Variants in KMT2D observed in about 807,000 individuals in gnomAD.
The protein encoded by KMT2D is histone-lysine N-methyltransferase 2D.
KMT2D carries 55 observed loss-of-function variants against 512.7 expected under a neutral mutation model. The observed-to-expected ratio is 0.11, with a 90% CI of 0.09 to 0.13. The LOEUF (loss-of-function observed/expected upper bound fraction) is 0.13, where lower values mean the gene tolerates loss of function less well. Ranked by LOEUF, KMT2D falls within the 10% of genes least tolerant of loss-of-function variation. The pLI, the probability that KMT2D is intolerant of heterozygous loss-of-function variation, is 1.00. For missense variants in KMT2D, 6,061 were observed against 7,127.9 expected (o/e 0.85, Z 5.39); for synonymous variants, 2,995 against 2,904.0 (o/e 1.03, Z -1.01).
chr12:49,048,798 G>A (rs1326772142), intron 13 of KMT2D, 29 bp from the exon 14 acceptor site: 11 of 1,468,782 alleles, frequency 7.5e-6, no homozygotes, highest in Non-Finnish European at 1.0e-5. Flanking sequence ...TGGAAAGTGA[G>A]GCAGATAAAT....
chr12:49,019,297 G>T lies in KMT2D; in HGVS notation c.*2483C>A. ...GAGGGTCCTGGAGGTGAGGGGAGAA[G>T]ACTGTAAAGGGGAAAACTGAAAACT... On this transcript the variant is annotated 3_prime_UTR_variant, in exon 55 of 55. Coordinates refer to ENST00000301067, the MANE Select transcript of KMT2D (RefSeq NM_003482.4). The T allele has an allele frequency of 2.5e-6, 1 of 398,806 alleles. No individual in the cohort carries two copies. Among genetic ancestry groups the T allele is most frequent in the Non-Finnish European group, 3.4e-6 (1 of 293,030 alleles). The allele number at this position is 398,806 out of a possible 1,614,324, so 24.7% of individuals were successfully genotyped here.
rs750933281 is a variant in KMT2D at position 49,040,641 on chromosome 12, G to T, written c.7129C>A (p.Pro2377Thr). The change falls in exon 32 of 55, where the codon CCA becomes ACA. Residue 2377 changes from proline to threonine, a missense_variant. By Grantham distance (38) the Pro-to-Thr change is conservative (BLOSUM62 -1). Coordinates refer to ENST00000301067, the MANE Select transcript of KMT2D (RefSeq NM_003482.4). ...GGAGTCAATGGGGGCTGAGCATATG[G>T]GTCAGTGTAGGAGCCAGGGCGAAAG... ...DIFRPGSYTD[P>T]YAQPPLTPRP... is the part of the protein sequence containing the mutation. 1 of 1,613,692 alleles carries T rather than the reference G, an allele frequency of 6.2e-7. No homozygotes were observed. Among genetic ancestry groups the T allele is most frequent in the Non-Finnish European group, 8.5e-7 (1 of 1,179,764 alleles).
intron 40 of KMT2D, 52 bp downstream of exon 40, chr12:49,031,123 C>G (rs865878256): frequency 6.2e-7 from 1 of 1,609,736 alleles, no homozygotes; most frequent in South Asian, 1.1e-5. Context: ...ATTCTGCCCC[C>G]CGCTGGCTCT....
At position 49,039,082 on chromosome 12, in the gene KMT2D, AG is replaced by A. The variant is rs1943363181; in HGVS notation, c.8367-94del. On this transcript the variant is annotated intron_variant, in intron 34 of 54. Transcript: ENST00000301067. This position sits in a 1 kb window ranked among gnomAD's most constrained non-coding sequence, Gnocchi z 5.0. ...CAGTGAGGAAGGATAGAATTAATGC[AG>A]TGAGGGAGAAAAGGAATGAGGAAGA... 2.0e-5 allele frequency: 30 copies of A among 1,512,594 alleles called. No individual in the cohort carries two copies. The Middle Eastern group carries it at 6.8e-4, about 34-fold the overall frequency. The allele number at this position is 1,512,594 out of a possible 1,614,324, so 93.7% of individuals were successfully genotyped here.
rs2120386776 is a variant in KMT2D, at chr12:49,028,854, G to A, written c.14356C>T (p.Leu4786Phe). ...TTGGCTGCAGCAGCAGAGACTGTGA[G>A]CATGACTGACACCTCACTTCCTTTG... The part of the protein sequence containing the change: ...KGKGSEVSVM[L>F]TVSAAAAKNL... The change falls in exon 46 of 55, where the codon CTC becomes TTC. Residue 4786 changes from leucine (L) to phenylalanine (F), a missense_variant. By Grantham distance (22) the Leu-to-Phe change is conservative (BLOSUM62 0). Transcript: ENST00000301067. 6.2e-7 allele frequency: 1 copy of A among 1,614,028 alleles called. No individual in the cohort carries two copies. Among genetic ancestry groups the A allele is most frequent in the Non-Finnish European group, 8.5e-7 (1 of 1,179,892 alleles).
chr12:49,050,764 T>A lies in KMT2D; in HGVS notation c.2824A>T (p.Ile942Phe). Reference protein sequence around the residue: ...PDPLPPPLSPIITAAAPPALS... With the variant: ...PDPLPPPLSPFITAAAPPALS... ...GCCGGTGGGGCCGCAGCTGTGATGA[T>A]GGGTGAGAGTGGAGGAGGAAGGGGA... is the stretch of plus-strand genomic sequence containing the variant. The change falls in exon 12 of 55, where the codon ATC becomes TTC. Residue 942 changes from isoleucine (I) to phenylalanine (F), a missense_variant. By Grantham distance (21) the Ile-to-Phe change is conservative (BLOSUM62 0). Coordinates refer to ENST00000301067, the MANE Select transcript of KMT2D (RefSeq NM_003482.4). The A allele has an allele frequency of 6.2e-7, 1 of 1,607,560 alleles. No homozygotes were observed. The highest frequency in any genetic ancestry group is 8.5e-7 in the Non-Finnish European group (1 of 1,175,916).
At position 49,027,042 on chromosome 12, in the gene KMT2D, C is replaced by T. The variant is rs757011865; in HGVS notation, c.14924G>A (p.Arg4975His). 1.1e-5 allele frequency: 17 copies of T among 1,613,802 alleles called. No homozygotes were observed. The highest frequency in any genetic ancestry group is 1.6e-4 in the Middle Eastern group (1 of 6,084). ...ARPPEEGEDS[R>H]PPRLKKWKGV... The stretch of plus-strand genomic sequence containing the variant: ...TTTCCATTTCTTGAGGCGAGGAGGA[C>T]GGGAATCTTCACCTTCTTCAGGGGG... The change falls in exon 49 of 55, where the codon CGT (arginine) becomes CAT (histidine). Residue 4975 changes from arginine to histidine, a missense_variant. By Grantham distance (29) the Arg-to-His change is conservative. This residue lies in a region of KMT2D where 1,600 missense variants were observed against 1,754.9 expected (regional missense o/e 0.91). Transcript: ENST00000301067.
rs1592124511 is a variant in KMT2D at position 49,034,844 on chromosome 12, C to T, written c.10323G>A (p.Gln3441=). The part of the protein sequence containing the change: ...ALKGIKKVMA[Q]GSIGVAPGMN... Reference sequence around the variant, plus strand: ...TACCAGGTGCCACCCCAATGCTGCCCTGAGCCATCACTTTCTTGATGCCTT... The same window carrying T: ...TACCAGGTGCCACCCCAATGCTGCCTTGAGCCATCACTTTCTTGATGCCTT... The change falls in exon 36 of 55, where the codon CAG becomes CAA. Residue 3441 remains glutamine (Q), a synonymous_variant. Coordinates refer to ENST00000301067, the MANE Select transcript of KMT2D (RefSeq NM_003482.4). 6.2e-6 allele frequency: 10 copies of T among 1,614,018 alleles called. No homozygotes were observed. Among genetic ancestry groups the T allele is most frequent in the African/African-American group, 1.3e-5 (1 of 75,052 alleles).
Position 49,022,154 on chromosome 12 carries a change from G to A in KMT2D, c.16413-3C>T, listed in dbSNP as rs1329842401. The A allele has an allele frequency of 3.1e-6, 5 of 1,613,250 alleles. No individual in the cohort carries two copies. The East Asian group carries it at 1.1e-4, about 36-fold the overall frequency. On this transcript the variant is annotated splice_region_variant and splice_polypyrimidine_tract_variant and intron_variant, in intron 53 of 54. Coordinates refer to ENST00000301067, the MANE Select transcript of KMT2D (RefSeq NM_003482.4). The surrounding 1 kb of genome is among the most constrained non-coding windows in gnomAD (Gnocchi z 8.6). ...GGGCACAGGAATGGTTAATGTACCTGGGCAGTGGGACAGAGTCAGGGATGT... is the reference window on the plus strand; with the variant it reads ...GGGCACAGGAATGGTTAATGTACCTAGGCAGTGGGACAGAGTCAGGGATGT...
chr12:49,039,145 G>T lies in KMT2D; in HGVS notation c.8366+77C>A. The T allele has an allele frequency of 6.3e-7, 1 of 1,581,440 alleles. No individual in the cohort carries two copies. Among genetic ancestry groups the T allele is most frequent in the Non-Finnish European group, 8.6e-7 (1 of 1,157,104 alleles). On this transcript the variant is annotated intron_variant, in intron 34 of 54. Coordinates refer to ENST00000301067, the MANE Select transcript of KMT2D (RefSeq NM_003482.4). The surrounding 1 kb of genome is among the most constrained non-coding windows in gnomAD (Gnocchi z 5.0). The stretch of plus-strand genomic sequence containing the variant: ...TACTGGAAAAGGATTAGTGATACAG[G>T]AAAATCACAAGAGCTTCCAACAGTG...
Position 49,030,291 on chromosome 12 carries a change from C to T in KMT2D, c.13988G>A (p.Arg4663Lys). 1 of 1,601,268 alleles carries T rather than the reference C, an allele frequency of 6.2e-7. No homozygotes were observed. The highest frequency in any genetic ancestry group is 1.7e-5 in the Admixed American group (1 of 58,368). ...TGCTCTTGACTTACCCCTCAGTGCC[C>T]TTTCACTATCCCGGGCAGAGGCAGC... Reference protein sequence around the residue: ...KDAASARDSERALRDTSEVKS... With the variant: ...KDAASARDSEKALRDTSEVKS... Residue 4663 changes from arginine to lysine, a missense_variant, in exon 43 of 55, where the codon AGG becomes AAG. Physicochemically the swap from Arg to Lys is conservative, Grantham distance 26. Transcript: ENST00000301067.
chr12:49,047,755 A>G (rs1047756375), intron 15 of KMT2D, among the ~76,000 whole-genome samples: 1 of 152,136 alleles, frequency 6.6e-6, no homozygotes, highest in Non-Finnish European at 1.5e-5. Context: ...GAATTATACC[A>G]GCAAGTCAGG....
Position 49,044,065 on chromosome 12 carries a change from C to G in KMT2D, c.5189-67G>C. On this transcript the variant is annotated intron_variant, in intron 22 of 54. Coordinates refer to ENST00000301067, the MANE Select transcript of KMT2D (RefSeq NM_003482.4). The surrounding 1 kb of genome is among the most constrained non-coding windows in gnomAD (Gnocchi z 6.4). Reference sequence around the variant, plus strand: ...GCTGCTCCCAACTTGCAGGGTGACACTTTGTGCCTACTCTCTCCCACAACA... The same window carrying G: ...GCTGCTCCCAACTTGCAGGGTGACAGTTTGTGCCTACTCTCTCCCACAACA... 1 of 1,605,120 alleles carries G rather than the reference C, an allele frequency of 6.2e-7. No homozygotes were observed.
chr12:49,027,335 G>A lies in KMT2D; in HGVS notation c.14644-13C>T, dbSNP rs1942653199. 1 of 1,508,638 alleles carries A rather than the reference G, an allele frequency of 6.6e-7. No individual in the cohort carries two copies. The highest frequency in any genetic ancestry group is 2.3e-5 in the Admixed American group (1 of 43,096). The allele number at this position is 1,508,638 out of a possible 1,614,324, so 93.5% of individuals were successfully genotyped here. On this transcript the variant is annotated splice_polypyrimidine_tract_variant and intron_variant, in intron 48 of 54. Coordinates refer to ENST00000301067, the MANE Select transcript of KMT2D (RefSeq NM_003482.4). ...GGGCGGGGCTCTCCTGTAGGAGGGT[G>A]CCCTGTATCATTAGTGCCAGCTCCT...
rs150484991 is a variant in KMT2D at position 49,041,889 on chromosome 12, C to A, written c.6183+28G>T. The A allele has an allele frequency of 1.3e-6, 2 of 1,583,454 alleles. No individual in the cohort carries two copies. Among genetic ancestry groups the A allele is most frequent in the Admixed American group, 3.6e-5 (2 of 55,580 alleles). Reference sequence around the variant, plus strand: ...ATCCCTCCCTCCCTCTCAGTTCCCACGCTAATCCATGCTCCTTTCTGCCTC... The same window carrying A: ...ATCCCTCCCTCCCTCTCAGTTCCCAAGCTAATCCATGCTCCTTTCTGCCTC... On this transcript the variant is annotated intron_variant, in intron 30 of 54. Transcript: ENST00000301067. The surrounding 1 kb of genome is among the most constrained non-coding windows in gnomAD (Gnocchi z 5.4).
Position 49,036,984 on chromosome 12 carries a change from C to G in KMT2D, c.10231+141G>C. 7.5e-6 allele frequency: 8 copies of G among 1,067,482 alleles called. No homozygotes were observed. In the South Asian group the frequency reaches 1.3e-4, roughly 18 times the overall value. 66.1% of individuals were successfully genotyped at this position (1,067,482 alleles called of 1,614,324 possible). ...CTTAAAAGCTACAGTGTTTCTGCCT[C>G]TACCACTAGTATGATATTTAGCCAA... On this transcript the variant is annotated intron_variant, in intron 35 of 54. Coordinates refer to ENST00000301067, the MANE Select transcript of KMT2D (RefSeq NM_003482.4).
rs2120709037 is a variant in KMT2D at position 49,054,409 on chromosome 12, G to A, written c.408C>T (p.Cys136=). 6.3e-7 allele frequency: 1 copy of A among 1,586,176 alleles called. No individual in the cohort carries two copies. Among genetic ancestry groups the A allele is most frequent in the Non-Finnish European group, 8.6e-7 (1 of 1,166,310 alleles). Residue 136 remains cysteine (C), a synonymous_variant, in exon 5 of 55, where the codon TGC becomes TGT. Transcript: ENST00000301067. This position sits in a 1 kb window ranked among gnomAD's most constrained non-coding sequence, Gnocchi z 6.4. ...PAHLGEPGGS[C]WAHHWCAAWS... ...ATGCAGCACACCAATGGTGAGCCCA[G>A]CAGGACCCTTTACAGGTGGGAAGAG...
chr12:49,031,708 C>G lies in KMT2D; in HGVS notation c.12997G>C (p.Glu4333Gln), dbSNP rs2120423145. The change falls in exon 40 of 55, where the codon GAG becomes CAG. Residue 4333 changes from glutamate to glutamine, a missense_variant. Glu to Gln is a conservative substitution (Grantham distance 29). Coordinates refer to ENST00000301067, the MANE Select transcript of KMT2D (RefSeq NM_003482.4). ...LPSPSSQLPT[E>Q]AQLPPTHPGT... ...GGATGGGTGGGAGGGAGCTGGGCCT[C>G]AGTGGGAAGCTGGGAGCTGGGGGAA... The G allele has an allele frequency of 6.2e-7, 1 of 1,612,728 alleles. No homozygotes were observed. Among genetic ancestry groups the G allele is most frequent in the South Asian group, 1.1e-5 (1 of 90,802 alleles).
Position 49,021,833 on chromosome 12 carries a change from G to A in KMT2D, c.16561C>T (p.His5521Tyr), listed in dbSNP as rs1942341996. ...DYQFDFEDDQ[H>Y]KIPCHCGAWN... ...GCTCCACAGTGGCAGGGGATCTTGT[G>A]CTGATCGTCCTCAAAATCAAACTGA... Residue 5521 changes from histidine (H) to tyrosine (Y), a missense_variant, in exon 55 of 55, where the codon CAC becomes TAC. This residue lies in a region of KMT2D where 44 missense variants were observed against 194.7 expected (regional missense o/e 0.23). Transcript: ENST00000301067. 1 of 1,613,892 alleles carries A rather than the reference G, an allele frequency of 6.2e-7. No individual in the cohort carries two copies. The highest frequency in any genetic ancestry group is 1.7e-5 in the Admixed American group (1 of 60,014).
Sources: allele counts gnomAD v4.1 joint callset (sites outside exome capture counted in the v4.1 genomes callset), GRCh38; gene constraint gnomAD v4.1.1; regional missense constraint gnomAD v4.1.1; non-coding constraint Gnocchi (gnomAD v3.1); transcripts MANE v1.5; gene names NCBI Gene and HGNC (gene_info 2026-07-23, HGNC 2026-07-21).